DIS3L: variants seen among roughly 807,000 people sequenced by gnomAD.
DIS3L encodes the protein DIS3 like exosome 3'-5' exoribonuclease.
Under a neutral mutation model 120.3 loss-of-function variants are expected in DIS3L, and 100 were observed. That is an observed-to-expected ratio of 0.83 (90% confidence interval 0.71 to 0.98). The LOEUF (loss-of-function observed/expected upper bound fraction) is 0.98, where lower values mean the gene tolerates loss of function less well. Ranked by LOEUF, DIS3L falls within the 50% of genes least tolerant of loss-of-function variation. The pLI is 0.00. For synonymous variants in DIS3L, 426 were observed against 470.6 expected (o/e 0.91, Z 1.23); for missense variants, 1,196 against 1,314.2 (o/e 0.91, Z 1.39).
chr15:66,312,193 G>A (rs1199482504), intron 5 of DIS3L, among the ~76,000 whole-genome samples: 2 of 148,428 alleles, frequency 1.3e-5, no homozygotes, highest in Non-Finnish European at 1.5e-5. Context: ...GGGTGACAGT[G>A]AGAACCTGTC....
intron 14 of DIS3L, chr15:66,329,745 C>G: frequency 2.0e-6 from 2 of 986,722 alleles, no homozygotes; most frequent in Non-Finnish European, 2.4e-6. Flanking sequence ...AACCCCATCT[C>G]TACAAAAAAT....
chr15:66,323,474 G>A lies in DIS3L; in HGVS notation c.1575-19G>A, dbSNP rs755849401. 107 of 1,613,586 alleles carry A rather than the reference G, an allele frequency of 6.6e-5. No individual in the cohort carries two copies. Among genetic ancestry groups the A allele is most frequent in the Non-Finnish European group, 8.4e-5 (99 of 1,179,808 alleles). ...TCTCCCTGCTAAAGGTCGCGTTGCC[G>A]CGTGTGTGTCATTCACAGGGCCACC... On this transcript the variant is annotated intron_variant, in intron 10 of 16. Transcript: ENST00000319212.
At chr15:66,322,651 G>A (rs1422506799) in intron 9 of DIS3L, 36 bp from the exon 10 acceptor site, 4 of 1,607,862 alleles carry the variant, frequency 2.5e-6, no homozygotes, top group Non-Finnish European at 2.6e-6. Flanking sequence ...GAAATTTGTG[G>A]TGCATGAATT....
At chr15:66,328,798 C>T (rs112388850) in intron 12 of DIS3L, among the ~76,000 whole-genome samples, 172 bp from the exon 13 acceptor site, 10 of 152,152 alleles carry the variant, frequency 6.6e-5, no homozygotes, top group African/African-American at 2.4e-4. Flanking sequence ...TTGTTTAAGC[C>T]GTAAAGCAAA....
chr15:66,322,562 A>G, intron 9 of DIS3L, 125 bp from the exon 10 acceptor site: 1 of 1,424,114 alleles, frequency 7.0e-7, no homozygotes, highest in South Asian at 1.4e-5. Flanking sequence ...AAGCCAACAT[A>G]GGTTGATGAA....
chr15:66,312,205 CAATT>C (rs1051584775), intron 5 of DIS3L, among the ~76,000 whole-genome samples: 7 of 129,832 alleles, frequency 5.4e-5, no homozygotes, highest in Non-Finnish European at 8.1e-5. Flanking sequence ...GAACCTGTCT[CAATT>C]AAAAAAAAAA....
chr15:66,305,882 C>A (rs2092698228), intron 2 of DIS3L, among the ~76,000 whole-genome samples: 1 of 152,146 alleles, frequency 6.6e-6, no homozygotes, highest in South Asian at 2.1e-4. Flanking sequence ...TGAGTGTTTT[C>A]TGTAATTTTA....
intron 12 of DIS3L, among the ~76,000 whole-genome samples, chr15:66,327,145 G>T (rs1289429405): frequency 6.6e-6 from 1 of 151,206 alleles, no homozygotes; most frequent in Non-Finnish European, 1.5e-5. Context: ...GGTCAGGTTG[G>T]TCTCAAACTC....
chr15:66,332,730 A>G lies in DIS3L; in HGVS notation c.2682-6A>G. ...TCTCTGGATTTATATTCTGGTCATAATATAGGTTTGGGATTAAAGGTGCTG... is the reference window on the plus strand; with the variant it reads ...TCTCTGGATTTATATTCTGGTCATAGTATAGGTTTGGGATTAAAGGTGCTG... On this transcript the variant is annotated splice_polypyrimidine_tract_variant and splice_region_variant and intron_variant, in intron 15 of 16. Coordinates refer to ENST00000319212, the MANE Select transcript of DIS3L (RefSeq NM_001143688.3). 1 of 1,608,674 alleles carries G rather than the reference A, an allele frequency of 6.2e-7. No homozygotes were observed. The highest frequency in any genetic ancestry group is 8.5e-7 in the Non-Finnish European group (1 of 1,177,358).
In DIS3L at chr15:66,323,671, T is replaced by A. The variant is rs6494567; in HGVS notation, c.1667+86T>A. On this transcript the variant is annotated intron_variant, in intron 11 of 16. Transcript: ENST00000319212. ...CCTGCTTCTGGCCTCATGTTTCTTC[T>A]CTGCTATGCCCCACCCCAGCCCTGT... 3.1e-3 allele frequency: 4,363 copies of A among 1,404,780 alleles called. 117 individuals carry two copies. In the African/African-American group the frequency reaches 0.056, roughly 18 times the overall value. The allele number at this position is 1,404,780 out of a possible 1,614,324, so 87.0% of individuals were successfully genotyped here.
At position 66,318,621 on chromosome 15, in the gene DIS3L, A is replaced by G. The variant is rs2092846623; in HGVS notation, c.1164+3A>G. On this transcript the variant is annotated splice_donor_region_variant and intron_variant, in intron 8 of 16. Transcript: ENST00000319212. ...CTCAGCAAGCAGAAACCCTCCAGGT[A>G]GTTGGCATTCTACCTCTACTATGGG... 1.2e-6 allele frequency: 2 copies of G among 1,613,702 alleles called. No individual in the cohort carries two copies. The highest frequency in any genetic ancestry group is 1.7e-6 in the Non-Finnish European group (2 of 1,179,800).
At chr15:66,320,253 A>G (rs1336029749) in intron 8 of DIS3L, among the ~76,000 whole-genome samples, 1 of 152,172 alleles carries the variant, frequency 6.6e-6, no homozygotes, top group Non-Finnish European at 1.5e-5. Context: ...CTAGTGTTGC[A>G]AGCGTTAACT....
In DIS3L at chr15:66,331,990, G is replaced by A. The variant is rs1331711044; in HGVS notation, c.2651G>A (p.Arg884Lys). The change falls in exon 15 of 17, where the codon AGA (arginine) becomes AAA (lysine). Residue 884 changes from arginine (R) to lysine (K), a missense_variant. By Grantham distance (26) the Arg-to-Lys change is conservative (BLOSUM62 2). Transcript: ENST00000319212. ...TCTGACGGAGTTATTTATTCAATTA[G>A]AACAAATGGTGTGCTTCTATTTATA... ...CISDGVIYSI[R>K]TNGVLLFIPR... 6 of 1,611,858 alleles carry A rather than the reference G, an allele frequency of 3.7e-6. No homozygotes were observed. Among genetic ancestry groups the A allele is most frequent in the Non-Finnish European group, 5.1e-6 (6 of 1,179,442 alleles).
chr15:66,319,513 A>G (rs1238671097), intron 8 of DIS3L, among the ~76,000 whole-genome samples: 3 of 152,212 alleles, frequency 2.0e-5, no homozygotes, highest in Non-Finnish European at 4.4e-5. Flanking sequence ...TTATCCATAA[A>G]GGAATATAGC....
intron 8 of DIS3L, among the ~76,000 whole-genome samples, chr15:66,320,147 T>TA (rs2092865469): frequency 6.6e-6 from 1 of 151,694 alleles, no homozygotes; most frequent in East Asian, 1.9e-4. Flanking sequence ...TAAAATAAAA[T>TA]AGACTTCAAA....
At chr15:66,294,103 C>A in intron 1 of DIS3L, 1 of 985,816 alleles carries the variant, frequency 1.0e-6, no homozygotes, top group Non-Finnish European at 1.2e-6. Context: ...AGGTCCCGAG[C>A]TGGGAGCCCC....
At chr15:66,294,480 G>A in intron 1 of DIS3L, 1 of 986,494 alleles carries the variant, frequency 1.0e-6, no homozygotes, top group Non-Finnish European at 1.2e-6. Context: ...TGGCTAACCA[G>A]CTCTCAGATG....
At chr15:66,314,642 CCT>C (rs1256014246) in intron 6 of DIS3L, among the ~76,000 whole-genome samples, 18 of 152,200 alleles carry the variant, frequency 1.2e-4, no homozygotes, top group Non-Finnish European at 2.1e-4. Context: ...CAGCATTCCC[CCT>C]GTCGGTTCTG....
intron 9 of DIS3L, among the ~76,000 whole-genome samples, chr15:66,321,595 C>T (rs2092884133): frequency 6.6e-6 from 1 of 151,990 alleles, no homozygotes; most frequent in Non-Finnish European, 1.5e-5. Flanking sequence ...AACCCCGTCT[C>T]TACTAAAAAC....
Sources: gnomAD v4.1 joint callset for allele counts (sites outside exome capture counted in the v4.1 genomes callset) on GRCh38, gnomAD v4.1.1 for gene constraint, MANE v1.5 for transcripts, NCBI Gene and HGNC (gene_info 2026-07-23, HGNC 2026-07-21) for gene names.